Variants in MAGEC3 observed in about 807,000 individuals in gnomAD.
MAGEC3 encodes melanoma-associated antigen C3.
In MAGEC3, 34 loss-of-function variants were observed where a neutral mutation model predicts 35.3. The observed-to-expected ratio is 0.96, with a 90% CI of 0.73 to 1.28. The LOEUF is 1.28. Among genes scored for constraint, MAGEC3 ranks in the 50% most tolerant of loss-of-function variants. The pLI, the probability that MAGEC3 is intolerant of heterozygous loss-of-function variation, is 0.00. For synonymous variants in MAGEC3, 202 were observed against 185.6 expected, an observed-to-expected ratio of 1.09 and a Z score of -0.72; for missense variants, 561 against 483.6, an observed-to-expected ratio of 1.16 and a Z score of -1.50.
At chrX:141,864,537 T>G (rs2017836248) in intron 1 of MAGEC3, among the ~76,000 whole-genome samples, 1 of 110,623 alleles carries the variant, frequency 9.0e-6, no homozygotes, top group Admixed American at 9.7e-5. Flanking sequence ...GAAAACAAAA[T>G]ACTGCATGTT....
intron 2 of MAGEC3, 114 bp downstream of exon 2, chrX:141,865,719 T>G (rs1223466758): frequency 1.2e-6 from 1 of 830,434 alleles, no homozygotes; most frequent in East Asian, 3.4e-5. Context: ...TTCCCCAGTT[T>G]TGATGTCCGT....
chrX:141,896,551 C>T (rs1255488663), intron 6 of MAGEC3: 59 of 1,188,680 alleles, frequency 5.0e-5, no homozygotes, highest in Non-Finnish European at 6.2e-5. Flanking sequence ...AGTTTCTCAG[C>T]TGAAGCTACT....
chrX:141,873,023 GAATT>G (rs1394523380), intron 2 of MAGEC3, among the ~76,000 whole-genome samples: 1 of 111,711 alleles, frequency 9.0e-6, no homozygotes, highest in African/African-American at 3.3e-5. Context: ...CCAAATGTAA[GAATT>G]AAAGGAAAAG....
At chrX:141,880,616 C>G in intron 3 of MAGEC3, 2 of 382,743 alleles carry the variant, frequency 5.2e-6, no homozygotes, top group Non-Finnish European at 8.7e-6. Context: ...GAGTGCACGC[C>G]CTGACTGTGT....
intron 1 of MAGEC3, among the ~76,000 whole-genome samples, chrX:141,858,110 T>TA (rs2017792931): frequency 9.0e-6 from 1 of 111,136 alleles, no homozygotes; most frequent in Non-Finnish European, 1.9e-5. Flanking sequence ...ACTTATAACT[T>TA]ATGCATATAA....
intron 1 of MAGEC3, among the ~76,000 whole-genome samples, chrX:141,844,089 C>T (rs1404770967): frequency 1.8e-5 from 2 of 110,591 alleles, no homozygotes; most frequent in East Asian, 2.8e-4. Flanking sequence ...GACACTTTTC[C>T]GTCCGATATC....
chrX:141,860,900 T>C (rs2017811325), intron 1 of MAGEC3, among the ~76,000 whole-genome samples: 1 of 111,602 alleles, frequency 9.0e-6, no homozygotes, highest in Non-Finnish European at 1.9e-5. Context: ...ACAATGTGAA[T>C]GTACTTAGTG....
intron 1 of MAGEC3, among the ~76,000 whole-genome samples, chrX:141,859,075 G>C (rs2017799323): frequency 1.3e-5 from 1 of 74,982 alleles, no homozygotes; most frequent in Non-Finnish European, 2.7e-5. Context: ...CTTTGTTTCT[G>C]TCTTTTTTTT....
At chrX:141,841,289 G>T (rs1218271705) in intron 1 of MAGEC3, among the ~76,000 whole-genome samples, 1 of 111,696 alleles carries the variant, frequency 9.0e-6, no homozygotes, top group Non-Finnish European at 1.9e-5. Flanking sequence ...CAAACAAATT[G>T]CATCTTCTTA....
chrX:141,845,495 A>G (rs1226975711), intron 1 of MAGEC3, among the ~76,000 whole-genome samples: 3 of 111,217 alleles, frequency 2.7e-5, no homozygotes, highest in African/African-American at 9.7e-5. Flanking sequence ...TATTTTTAAC[A>G]AAGGGATTTA....
chrX:141,868,857 T>A (rs867717262), intron 2 of MAGEC3, among the ~76,000 whole-genome samples: 2 of 105,057 alleles, frequency 1.9e-5, no homozygotes, highest in African/African-American at 6.8e-5. Flanking sequence ...ATTTTTATTT[T>A]ATTTATTTAT....
chrX:141,867,601 A>T (rs751935112), intron 2 of MAGEC3, among the ~76,000 whole-genome samples: 16 of 112,269 alleles, frequency 1.4e-4, no homozygotes, highest in Non-Finnish European at 2.8e-4. Context: ...TTTCTAAAAT[A>T]AAACTGGAAA....
intron 3 of MAGEC3, 75 bp downstream of exon 3, chrX:141,879,506 AG>A: frequency 9.8e-7 from 1 of 1,024,281 alleles, no homozygotes. Flanking sequence ...GTGGGCAGGA[AG>A]GGGTGGAAAG....
At chrX:141,867,478 A>C (rs2124102469) in intron 2 of MAGEC3, among the ~76,000 whole-genome samples, 1 of 111,371 alleles carries the variant, frequency 9.0e-6, no homozygotes, top group Non-Finnish European at 1.9e-5. Context: ...TCTCTGATAA[A>C]CTCTCCCGCC....
intron 1 of MAGEC3, among the ~76,000 whole-genome samples, chrX:141,840,788 A>G (rs1186563263): frequency 9.1e-6 from 1 of 110,014 alleles, no homozygotes; most frequent in Non-Finnish European, 1.9e-5. Flanking sequence ...ATCAAAAAAA[A>G]AAACCCCACA....
At chrX:141,873,598 G>A (rs939076845) in intron 2 of MAGEC3, among the ~76,000 whole-genome samples, 13 of 111,864 alleles carry the variant, frequency 1.2e-4, no homozygotes, top group African/African-American at 4.2e-4. Context: ...TCTGTCAATA[G>A]TAAATAATAT....
intron 1 of MAGEC3, among the ~76,000 whole-genome samples, chrX:141,857,965 A>C (rs767795467): frequency 1.8e-5 from 2 of 111,431 alleles, no homozygotes; most frequent in Non-Finnish European, 3.8e-5. Flanking sequence ...TGAAAAAATA[A>C]GTGTATGATG....
intron 1 of MAGEC3, among the ~76,000 whole-genome samples, chrX:141,861,624 A>G (rs1217758028): frequency 9.0e-6 from 1 of 111,666 alleles, no homozygotes; most frequent in East Asian, 2.8e-4. Context: ...ACAAATCCAT[A>G]TATTTACAAC....
intron 4 of MAGEC3, among the ~76,000 whole-genome samples, chrX:141,893,788 A>G (rs1053279340): frequency 5.5e-5 from 6 of 108,624 alleles, no homozygotes; most frequent in South Asian, 8.2e-4. Flanking sequence ...TGGATTAGCA[A>G]TGCTCTAAAA....
Sources: gnomAD v4.1 joint callset for allele counts (sites outside exome capture counted in the v4.1 genomes callset) on GRCh38, gnomAD v4.1.1 for gene constraint, MANE v1.5 for transcripts, NCBI Gene and HGNC (gene_info 2026-07-23, HGNC 2026-07-21) for gene names.